The following QRICH1 variants were observed in gnomAD, a reference collection of about 807,000 sequenced individuals.
QRICH1 encodes the protein glutamine rich 1, also known as transcriptional regulator QRICH1.
A neutral mutation model predicts 87.1 loss-of-function variants in QRICH1; 16 were observed. That is an observed-to-expected ratio of 0.18 (90% CI 0.12 to 0.28). The LOEUF is 0.28. QRICH1 is among the 10% of genes least tolerant of loss of function. The pLI, the probability that QRICH1 is intolerant of heterozygous loss-of-function variation, is 1.00. For synonymous variants in QRICH1, 367 were observed against 368.4 expected, an observed-to-expected ratio of 1.00 and a Z score of 0.05; for missense variants, 647 against 951.7, an observed-to-expected ratio of 0.68 and a Z score of 4.21.
intron 7 of QRICH1, 120 bp from the exon 8 acceptor site, chr3:49,032,893 C>A: frequency 7.8e-7 from 1 of 1,284,456 alleles, no homozygotes; most frequent in South Asian, 1.5e-5. Context: ...CTGGGCAGGC[C>A]CGTACCCAAG....
chr3:49,056,471 T>C (rs1233516114), intron 3 of QRICH1, among the ~76,000 whole-genome samples: 2 of 152,214 alleles, frequency 1.3e-5, no homozygotes, highest in East Asian at 3.8e-4. Context: ...ATCTATGTGA[T>C]AAACTACAAG....
intron 2 of QRICH1, among the ~76,000 whole-genome samples, chr3:49,073,689 C>T (rs1474095016): frequency 1.3e-5 from 2 of 151,686 alleles, no homozygotes; most frequent in Non-Finnish European, 2.9e-5. Flanking sequence ...CTCTGTCACC[C>T]AGGCTGGAGT....
intron 2 of QRICH1, among the ~76,000 whole-genome samples, chr3:49,060,779 C>G (rs1441055801): frequency 6.6e-6 from 1 of 152,116 alleles, no homozygotes; most frequent in Non-Finnish European, 1.5e-5. Context: ...CTTGTAGGAG[C>G]ACAAACCCTA....
At chr3:49,081,215 G>A (rs1452676654) in intron 1 of QRICH1, among the ~76,000 whole-genome samples, 1 of 151,896 alleles carries the variant, frequency 6.6e-6, no homozygotes, top group Non-Finnish European at 1.5e-5. Flanking sequence ...GCAGGAGATC[G>A]AGACCAGCCT....
chr3:49,047,320 T>C (rs1219986039), intron 3 of QRICH1, 74 bp from the exon 4 acceptor site: 1 of 1,362,878 alleles, frequency 7.3e-7, no homozygotes, highest in Non-Finnish European at 1.0e-6. Flanking sequence ...GCCAGAAAAA[T>C]GTTATGTATA....
chr3:49,082,890 G>A (rs555518743), intron 1 of QRICH1, among the ~76,000 whole-genome samples: 3 of 131,730 alleles, frequency 2.3e-5, no homozygotes, highest in South Asian at 2.5e-4. Flanking sequence ...GCAAGACTGC[G>A]TCTCAAAAAA....
rs367791770 is a variant in QRICH1, at chr3:49,057,791, C to T, written c.409G>A (p.Val137Met). 6.2e-7 allele frequency: 1 copy of T among 1,614,074 alleles called. No individual in the cohort carries two copies. Among genetic ancestry groups the T allele is most frequent in the Non-Finnish European group, 8.5e-7 (1 of 1,180,000 alleles). ...QPTEQPIQVQVQIQGQAPQSA... is the reference protein window; with the variant it reads ...QPTEQPIQVQMQIQGQAPQSA... ...TGTGGTGCCTGGCCTTGGATCTGCA[C>T]CTGGACCTGGATGGGTTGCTCAGTA... Residue 137 changes from valine (V) to methionine (M), a missense_variant, in exon 3 of 10, where the codon GTG (valine) becomes ATG (methionine). Val to Met is a conservative substitution (Grantham distance 21, BLOSUM62 1). Coordinates refer to ENST00000395443, the MANE Select transcript of QRICH1 (RefSeq NM_198880.3). The surrounding 1 kb of genome is among the most constrained non-coding windows in gnomAD (Gnocchi z 5.4).
chr3:49,043,348 T>C (rs1340964250), intron 6 of QRICH1, among the ~76,000 whole-genome samples: 5 of 149,746 alleles, frequency 3.3e-5, no homozygotes, highest in African/African-American at 7.4e-5. Context: ...ATACAAAAAT[T>C]AGCCAGGCGT....
chr3:49,057,919 G>A lies in QRICH1; in HGVS notation c.310-29C>T. 1 of 1,613,874 alleles carries A rather than the reference G, an allele frequency of 6.2e-7. No individual in the cohort carries two copies. The highest frequency in any genetic ancestry group is 8.5e-7 in the Non-Finnish European group (1 of 1,179,982). On this transcript the variant is annotated intron_variant, in intron 2 of 9. Coordinates refer to ENST00000395443, the MANE Select transcript of QRICH1 (RefSeq NM_198880.3). The surrounding 1 kb of genome is among the most constrained non-coding windows in gnomAD (Gnocchi z 5.4). ...TAAGCAACAAGATTCATCAGTGAGT[G>A]AACCAGGCAGCACTGAAAATCCAGT...
At chr3:49,091,878 C>G (rs1007360896) in intron 1 of QRICH1, among the ~76,000 whole-genome samples, 6 of 152,108 alleles carry the variant, frequency 3.9e-5, no homozygotes, top group Non-Finnish European at 7.3e-5. Flanking sequence ...CGAGACCAGT[C>G]TGATCAACAT....
intron 2 of QRICH1, among the ~76,000 whole-genome samples, chr3:49,065,676 G>A (rs1287387250): frequency 6.6e-6 from 1 of 151,580 alleles, no homozygotes; most frequent in Non-Finnish European, 1.5e-5. Flanking sequence ...GCTACCAGGA[G>A]TCTCTCTCTT....
chr3:49,046,383 G>T (rs771136430), intron 5 of QRICH1, 42 bp downstream of exon 5: 69 of 1,572,102 alleles, frequency 4.4e-5, no homozygotes, highest in Non-Finnish European at 5.6e-5. Flanking sequence ...CATCCAATAG[G>T]AACACAGCTC....
chr3:49,039,071 ACCGG>A (rs1368405979), intron 6 of QRICH1, among the ~76,000 whole-genome samples: 8 of 150,980 alleles, frequency 5.3e-5, no homozygotes, highest in Admixed American at 3.3e-4. Context: ...AAAAGACATA[ACCGG>A]GCCAGGCGCA....
chr3:49,077,136 C>T, intron 1 of QRICH1, 98 bp from the exon 2 acceptor site: 1 of 718,342 alleles, frequency 1.4e-6, no homozygotes, highest in Non-Finnish European at 2.0e-6. Flanking sequence ...TTCAGGGCAG[C>T]TGTATACATA....
At chr3:49,034,238 T>C (rs576718125) in intron 6 of QRICH1, among the ~76,000 whole-genome samples, 251 of 150,882 alleles carry the variant, frequency 1.7e-3, no homozygotes, top group Non-Finnish European at 2.4e-3. Flanking sequence ...AGCCCAAGAG[T>C]TGAAGACCAG....
At chr3:49,033,032 T>C (rs1262559423) in intron 7 of QRICH1, 88 bp downstream of exon 7, 30 of 1,116,080 alleles carry the variant, frequency 2.7e-5, no homozygotes, top group Non-Finnish European at 3.6e-5. Context: ...TTCTCAAATA[T>C]ATGTCAGAGG....
intron 3 of QRICH1, among the ~76,000 whole-genome samples, chr3:49,050,857 C>G (rs550645682): frequency 2.0e-5 from 3 of 152,294 alleles, no homozygotes; most frequent in Non-Finnish European, 2.9e-5. Context: ...ACAGAAGCCG[C>G]TGAGTGACCC....
chr3:49,030,647 GA>G lies in QRICH1; in HGVS notation c.2139-4del. On this transcript the variant is annotated splice_region_variant and splice_polypyrimidine_tract_variant and intron_variant, in intron 9 of 9. Coordinates refer to ENST00000395443, the MANE Select transcript of QRICH1 (RefSeq NM_198880.3). Reference sequence around the variant, plus strand: ...TCCGGCCTTTCACACTCTGGGGGCTGAAGAATATGCGGATAAAAGTTGGGTA... The same window carrying G: ...TCCGGCCTTTCACACTCTGGGGGCTGAGAATATGCGGATAAAAGTTGGGTA... 6.4e-7 allele frequency: 1 copy of G among 1,557,976 alleles called. No homozygotes were observed. The highest frequency in any genetic ancestry group is 8.7e-7 in the Non-Finnish European group (1 of 1,150,464).
At chr3:49,053,285 G>A (rs1376653367) in intron 3 of QRICH1, among the ~76,000 whole-genome samples, 3 of 151,946 alleles carry the variant, frequency 2.0e-5, no homozygotes, top group Admixed American at 6.6e-5. Context: ...TCAGGAGATC[G>A]AGACCATCCT....
Sources: allele counts gnomAD v4.1 joint callset (sites outside exome capture counted in the v4.1 genomes callset), GRCh38; gene constraint gnomAD v4.1.1; non-coding constraint Gnocchi (gnomAD v3.1); transcripts MANE v1.5; gene names NCBI Gene and HGNC (gene_info 2026-07-23, HGNC 2026-07-21).